MARCHF1: variants seen among roughly 807,000 people sequenced by gnomAD.
MARCHF1 encodes the protein membrane associated ring-CH-type finger 1, also known as E3 ubiquitin-protein ligase MARCHF1.
In MARCHF1, 40 loss-of-function variants were observed where a neutral mutation model predicts 54.2. The observed-to-expected ratio is 0.74, with a 90% CI of 0.57 to 0.96. The LOEUF is 0.96. Among genes scored for constraint, MARCHF1 ranks in the 40% least tolerant of loss-of-function variants. MARCHF1 has a pLI of 0.00. For synonymous variants in MARCHF1, 236 were observed against 236.3 expected, an observed-to-expected ratio of 1.00 and a Z score of 0.01; for missense variants, 586 against 656.5, an observed-to-expected ratio of 0.89 and a Z score of 1.17.
intron 1 of MARCHF1, among the ~76,000 whole-genome samples, chr4:164,113,820 A>C (rs951787078): frequency 1.3e-5 from 2 of 152,026 alleles, no homozygotes; most frequent in African/African-American, 2.4e-5. Flanking sequence ...ATGTAAGTAA[A>C]AAGTGAAATA....
chr4:163,681,564 G>T (rs1207107558), intron 5 of MARCHF1, among the ~76,000 whole-genome samples: 1 of 152,128 alleles, frequency 6.6e-6, no homozygotes, highest in Non-Finnish European at 1.5e-5. Context: ...CCCCCATGCT[G>T]CTGTTCTCAT....
chr4:163,568,478 TA>T (rs1739722752), intron 8 of MARCHF1, among the ~76,000 whole-genome samples: 1 of 152,146 alleles, frequency 6.6e-6, no homozygotes, highest in African/African-American at 2.4e-5. Flanking sequence ...AGATGTAGGC[TA>T]TGTGGAAACC....
At chr4:163,718,599 G>A (rs1423169563) in intron 4 of MARCHF1, among the ~76,000 whole-genome samples, 2 of 152,128 alleles carry the variant, frequency 1.3e-5, no homozygotes, top group African/African-American at 4.8e-5. Flanking sequence ...TAACCAAACA[G>A]TCATTATGTT....
intron 3 of MARCHF1, among the ~76,000 whole-genome samples, chr4:163,961,107 C>A (rs1752338822): frequency 6.6e-6 from 1 of 151,908 alleles, no homozygotes; most frequent in Admixed American, 6.6e-5. Context: ...CCTAAAGAAC[C>A]TCTCTCCAAA....
At chr4:164,185,242 A>G (rs1185785162) in intron 1 of MARCHF1, among the ~76,000 whole-genome samples, 1 of 152,242 alleles carries the variant, frequency 6.6e-6, no homozygotes, top group Non-Finnish European at 1.5e-5. Context: ...AGCATACTAC[A>G]TTAGTTTTAG....
intron 3 of MARCHF1, among the ~76,000 whole-genome samples, chr4:163,895,788 G>A (rs1364250557): frequency 6.6e-6 from 1 of 152,136 alleles, no homozygotes; most frequent in Non-Finnish European, 1.5e-5. Context: ...GGTGTGCTCA[G>A]TGAGTGCCTC....
intron 1 of MARCHF1, among the ~76,000 whole-genome samples, chr4:164,263,736 A>C (rs1733531414): frequency 6.6e-6 from 1 of 152,220 alleles, no homozygotes; most frequent in African/African-American, 2.4e-5. Context: ...CAACAAACAC[A>C]CACAAAAAAG....
chr4:164,062,496 C>T (rs114955316), intron 2 of MARCHF1, among the ~76,000 whole-genome samples: 4,241 of 152,126 alleles, frequency 0.028, 74 homozygotes, highest in Non-Finnish European at 0.043. Context: ...GATACTACAA[C>T]ATTACAAAAT....
intron 1 of MARCHF1, chr4:164,383,218 G>C (rs142269653): frequency 3.8e-4 from 58 of 152,380 alleles, no homozygotes; most frequent in African/African-American, 1.3e-3. Context: ...GGCGTCTTAA[G>C]TCCCAGCTCT....
Position 163,771,432 on chromosome 4 carries a change from A to T in MARCHF1, c.112-70569T>A, listed in dbSNP as rs910247123. 2.6e-5 allele frequency among the ~76,000 whole-genome samples: 4 copies of T among 152,250 alleles called. No individual in the cohort carries two copies. In the East Asian group the frequency reaches 7.7e-4, roughly 29 times the overall value. On this transcript the variant is annotated intron_variant, in intron 4 of 9. Coordinates refer to ENST00000514618, the MANE Select transcript of MARCHF1 (RefSeq NM_001394959.1). Reference sequence around the variant, plus strand: ...TAGCTCATAACAACAGGAATTTCTCATGGTTCTGGAGGCTGGAAAGTGCAA... The same window carrying T: ...TAGCTCATAACAACAGGAATTTCTCTTGGTTCTGGAGGCTGGAAAGTGCAA...
chr4:163,745,494 A>G (rs1279838334), intron 4 of MARCHF1, among the ~76,000 whole-genome samples: 2 of 152,160 alleles, frequency 1.3e-5, no homozygotes, highest in Non-Finnish European at 2.9e-5. Flanking sequence ...AGAGCTCTGA[A>G]TGAGGTCATC....
chr4:163,550,287 A>G (rs1414627686), intron 8 of MARCHF1, among the ~76,000 whole-genome samples: 1 of 150,182 alleles, frequency 6.7e-6, no homozygotes, highest in East Asian at 2.0e-4. Flanking sequence ...GTCTCAAAAA[A>G]AAAAAAAAAA....
intron 1 of MARCHF1, among the ~76,000 whole-genome samples, chr4:164,279,065 T>C (rs1011226347): frequency 6.6e-6 from 1 of 151,132 alleles, no homozygotes; most frequent in African/African-American, 2.4e-5. Flanking sequence ...AAATGATTAG[T>C]CAAAATAAAA....
At chr4:163,837,025 T>C (rs1377310884) in intron 4 of MARCHF1, among the ~76,000 whole-genome samples, 1 of 152,226 alleles carries the variant, frequency 6.6e-6, no homozygotes, top group African/African-American at 2.4e-5. Context: ...ACATCATATG[T>C]ATAAATATAA....
At chr4:163,683,994 C>T (rs946063969) in intron 5 of MARCHF1, among the ~76,000 whole-genome samples, 2 of 152,198 alleles carry the variant, frequency 1.3e-5, no homozygotes, top group African/African-American at 4.8e-5. Context: ...CTCTCTCTCT[C>T]TCTGGAAACC....
intron 1 of MARCHF1, among the ~76,000 whole-genome samples, chr4:164,235,137 C>A (rs897057556): frequency 8.6e-5 from 13 of 152,038 alleles, no homozygotes; most frequent in Non-Finnish European, 1.6e-4. Context: ...AAATCATTCA[C>A]TTCTCATATG....
At chr4:164,093,832 G>C (rs1755354102) in intron 2 of MARCHF1, among the ~76,000 whole-genome samples, 1 of 152,100 alleles carries the variant, frequency 6.6e-6, no homozygotes, top group African/African-American at 2.4e-5. Flanking sequence ...CTCCAGCCCA[G>C]AAGAGAAAAA....
At chr4:164,186,684 C>T (rs1446640284) in intron 1 of MARCHF1, among the ~76,000 whole-genome samples, 2 of 152,198 alleles carry the variant, frequency 1.3e-5, no homozygotes, top group Non-Finnish European at 2.9e-5. Flanking sequence ...ATAAAAGCCT[C>T]AGGGCAATGT....
chr4:164,289,513 T>G (rs1390262946), intron 1 of MARCHF1, among the ~76,000 whole-genome samples: 2 of 151,182 alleles, frequency 1.3e-5, no homozygotes, highest in Non-Finnish European at 3.0e-5. Flanking sequence ...ATGCAGCCAC[T>G]TTTCTGTGAA....
Sources: gnomAD v4.1 joint callset for allele counts (sites outside exome capture counted in the v4.1 genomes callset) on GRCh38, gnomAD v4.1.1 for gene constraint, MANE v1.5 for transcripts, NCBI Gene and HGNC (gene_info 2026-07-23, HGNC 2026-07-21) for gene names.